B3GAT2: variants seen among roughly 807,000 people sequenced by gnomAD.
B3GAT2 encodes the protein galactosylgalactosylxylosylprotein 3-beta-glucuronosyltransferase 2.
B3GAT2 carries 26 observed loss-of-function variants against 27.8 expected under a neutral mutation model. That is an observed-to-expected ratio of 0.93 (90% CI 0.68 to 1.30). B3GAT2 has a LOEUF of 1.30. Among genes scored for constraint, B3GAT2 ranks in the 50% most tolerant of loss-of-function variants. The pLI is 0.00. For missense variants in B3GAT2, 458 were observed against 459.0 expected (o/e 1.00, Z 0.02); for synonymous variants, 218 against 195.1 (o/e 1.12, Z -0.98).
At chr6:70,869,269 C>A (rs142671348) in intron 2 of B3GAT2, among the ~76,000 whole-genome samples, 3 of 152,242 alleles carry the variant, frequency 2.0e-5, no homozygotes, top group Non-Finnish European at 4.4e-5. Context: ...CCTGCCTCAG[C>A]CTCCTGAGTA....
At position 70,858,272 on chromosome 6, in the gene B3GAT2, A is replaced by C; in HGVS notation, c.*3391T>G. 1 of 525,330 alleles carries C rather than the reference A, an allele frequency of 1.9e-6. No homozygotes were observed. Among genetic ancestry groups the C allele is most frequent in the African/African-American group, 2.6e-5 (1 of 38,254 alleles). 32.5% of individuals were successfully genotyped at this position (525,330 alleles called of 1,614,324 possible). On this transcript the variant is annotated 3_prime_UTR_variant, in exon 4 of 4. Coordinates refer to ENST00000230053, the MANE Select transcript of B3GAT2 (RefSeq NM_080742.3). ...TCTAGCTTCTCCCAAATCAAACCAG[A>C]TTTATTTTCTAAATCTTTTTTTTTT...
chr6:70,943,682 T>C (rs755963972), intron 1 of B3GAT2, among the ~76,000 whole-genome samples: 6 of 152,214 alleles, frequency 3.9e-5, no homozygotes, highest in Non-Finnish European at 7.3e-5. Context: ...ACAGTTTATA[T>C]ACTAACTTGG....
rs1771685249 is a variant in B3GAT2, at chr6:70,860,767, T to C, written c.*896A>G. On this transcript the variant is annotated 3_prime_UTR_variant, in exon 4 of 4. Transcript: ENST00000230053. ...CAAATGTTTAATCATATAAATAGAA[T>C]GTAAATGTCTCACTGAGCACTGTTT... 5.0e-6 allele frequency: 2 copies of C among 399,440 alleles called. No individual in the cohort carries two copies. The highest frequency in any genetic ancestry group is 8.8e-6 in the Non-Finnish European group (2 of 226,408). The allele number at this position is 399,440 out of a possible 1,614,324, so 24.7% of individuals were successfully genotyped here.
intron 1 of B3GAT2, among the ~76,000 whole-genome samples, chr6:70,897,957 G>A (rs1371325674): frequency 6.6e-6 from 1 of 151,954 alleles, no homozygotes; most frequent in Non-Finnish European, 1.5e-5. Context: ...CTCTAATCTG[G>A]TCCATTGGTC....
intron 1 of B3GAT2, among the ~76,000 whole-genome samples, chr6:70,950,665 T>G (rs896708864): frequency 6.6e-6 from 1 of 152,182 alleles, no homozygotes; most frequent in Non-Finnish European, 1.5e-5. Flanking sequence ...AACAACTATA[T>G]TACCGTCAGG....
chr6:70,881,956 C>A (rs938351463), intron 2 of B3GAT2, among the ~76,000 whole-genome samples: 1 of 152,124 alleles, frequency 6.6e-6, no homozygotes, highest in Admixed American at 6.5e-5. Flanking sequence ...CTTTCTAATC[C>A]TGATCTTTTT....
chr6:70,899,189 A>G (rs145241789), intron 1 of B3GAT2, among the ~76,000 whole-genome samples: 1 of 152,336 alleles, frequency 6.6e-6, no homozygotes, highest in Admixed American at 6.5e-5. Context: ...AAAGAATAAT[A>G]AACTATACCT....
At position 70,861,177 on chromosome 6, in the gene B3GAT2, T is replaced by A. The variant is rs17707714; in HGVS notation, c.*486A>T. 0.034 allele frequency: 5,565 copies of A among 163,536 alleles called. 119 individuals carry two copies. The highest frequency in any genetic ancestry group is 0.068 in the South Asian group (366 of 5,416). The allele number at this position is 163,536 out of a possible 1,614,324, so 10.1% of individuals were successfully genotyped here. On this transcript the variant is annotated 3_prime_UTR_variant, in exon 4 of 4. Coordinates refer to ENST00000230053, the MANE Select transcript of B3GAT2 (RefSeq NM_080742.3). ...AACATGACTCCATAGACCTTTTCAT[T>A]TGTGGGTTTTTATTTCCTATGATGT...
In B3GAT2 at chr6:70,937,559, C is replaced by A. The variant is rs1285689907; in HGVS notation, c.591+18280G>T. On this transcript the variant is annotated intron_variant, in intron 1 of 3. Transcript: ENST00000230053. The stretch of plus-strand genomic sequence containing the variant: ...CATCAAAAAGCTTATTCACCATGAT[C>A]AAGTGGGCTTCATCCCTGGGATGCA... Among the ~76,000 whole-genome samples the A allele has an allele frequency of 7.0e-4, 106 of 152,268 alleles. 1 individual carries two copies. The highest frequency in any genetic ancestry group is 1.1e-3 in the Non-Finnish European group (72 of 68,012).
In B3GAT2 at chr6:70,857,621, A is replaced by G; in HGVS notation, c.*4042T>C. The G allele has an allele frequency of 3.0e-6, 1 of 330,416 alleles. No individual in the cohort carries two copies. The highest frequency in any genetic ancestry group is 3.9e-5 in the South Asian group (1 of 25,442). 20.5% of individuals were successfully genotyped at this position (330,416 alleles called of 1,614,324 possible). The stretch of plus-strand genomic sequence containing the variant: ...CAGTGGTACAAATCAGCAATAAAAC[A>G]GTGTATGATGTCATGCTACATAGTT... On this transcript the variant is annotated 3_prime_UTR_variant, in exon 4 of 4. Coordinates refer to ENST00000230053, the MANE Select transcript of B3GAT2 (RefSeq NM_080742.3).
intron 1 of B3GAT2, among the ~76,000 whole-genome samples, chr6:70,919,596 C>G (rs1353328165): frequency 3.3e-5 from 5 of 152,158 alleles, no homozygotes; most frequent in African/African-American, 4.8e-5. Context: ...TGTGGATGTC[C>G]TTTTTGCTGA....
chr6:70,903,600 T>C (rs1469811643), intron 1 of B3GAT2, among the ~76,000 whole-genome samples: 1 of 152,088 alleles, frequency 6.6e-6, no homozygotes, highest in Admixed American at 6.6e-5. Flanking sequence ...CACAAAAAGA[T>C]GCTCTGTGTC....
At chr6:70,887,891 G>A (rs759944072) in intron 2 of B3GAT2, among the ~76,000 whole-genome samples, 8 of 152,156 alleles carry the variant, frequency 5.3e-5, no homozygotes, top group Non-Finnish European at 8.8e-5. Flanking sequence ...ATCTCTGCCC[G>A]CAAAGATTGA....
chr6:70,891,808 G>A (rs1282653846), intron 2 of B3GAT2, among the ~76,000 whole-genome samples: 2 of 151,702 alleles, frequency 1.3e-5, no homozygotes, highest in Non-Finnish European at 2.9e-5. Flanking sequence ...GAAATGAGGT[G>A]GGAAGCACCA....
At chr6:70,955,727 A>C in intron 1 of B3GAT2, 112 bp downstream of exon 1, 1 of 1,246,090 alleles carries the variant, frequency 8.0e-7, no homozygotes, top group Non-Finnish European at 1.1e-6. Flanking sequence ...GCGCACGGAG[A>C]ACTGAGAACT....
intron 1 of B3GAT2, among the ~76,000 whole-genome samples, chr6:70,909,433 G>A (rs1337173359): frequency 1.3e-5 from 2 of 152,196 alleles, no homozygotes; most frequent in Admixed American, 6.5e-5. Context: ...TTTCAAGACA[G>A]TGATTACCAG....
At chr6:70,945,767 T>C (rs960920551) in intron 1 of B3GAT2, among the ~76,000 whole-genome samples, 7 of 149,426 alleles carry the variant, frequency 4.7e-5, no homozygotes, top group African/African-American at 1.7e-4. Context: ...AGACACATAA[T>C]TGTCAGATTC....
intron 2 of B3GAT2, among the ~76,000 whole-genome samples, chr6:70,865,369 C>T (rs778584107): frequency 5.9e-5 from 9 of 152,142 alleles, no homozygotes; most frequent in Non-Finnish European, 8.8e-5. Context: ...CTGCCCCCCT[C>T]GGCCTCCTAA....
At position 70,860,524 on chromosome 6, in the gene B3GAT2, AT is replaced by A; in HGVS notation, c.*1138del. On this transcript the variant is annotated 3_prime_UTR_variant, in exon 4 of 4. Coordinates refer to ENST00000230053, the MANE Select transcript of B3GAT2 (RefSeq NM_080742.3). ...GTGGTGAAAAGCAGGTTGATAAATC[AT>A]TTTATGTCAAGGGCAGCTTTGCTCA... 1 of 536,088 alleles carries A rather than the reference AT, an allele frequency of 1.9e-6. No individual in the cohort carries two copies. Among genetic ancestry groups the A allele is most frequent in the Non-Finnish European group, 2.9e-6 (1 of 341,152 alleles). The allele number at this position is 536,088 out of a possible 1,614,324, so 33.2% of individuals were successfully genotyped here.
Sources: gnomAD v4.1 joint callset for allele counts (sites outside exome capture counted in the v4.1 genomes callset) on GRCh38, gnomAD v4.1.1 for gene constraint, MANE v1.5 for transcripts, NCBI Gene and HGNC (gene_info 2026-07-23, HGNC 2026-07-21) for gene names.